The following ADK variants were observed in gnomAD, a reference collection of about 807,000 sequenced individuals.
The protein encoded by ADK is adenosine kinase, also known as N6,N6-dimethyladenosine kinase.
A neutral mutation model predicts 44.7 loss-of-function variants in ADK; 24 were observed. The ratio of observed to expected loss-of-function variants is 0.54; its 90% confidence interval spans 0.39 to 0.76. The LOEUF is 0.76. Among genes scored for constraint, ADK ranks in the 30% least tolerant of loss-of-function variants. The pLI, the probability that ADK is intolerant of heterozygous loss-of-function variation, is 0.00. For synonymous variants in ADK, 128 were observed against 142.6 expected (o/e 0.90, Z 0.73); for missense variants, 321 against 425.1 (o/e 0.76, Z 2.15).
chr10:74,614,231 G>A (rs1472064028), intron 9 of ADK, among the ~76,000 whole-genome samples: 3 of 152,062 alleles, frequency 2.0e-5, no homozygotes, highest in African/African-American at 4.8e-5. Context: ...TTATTGAAAA[G>A]GATCCTGCTA....
chr10:74,505,103 G>A (rs1848013953), intron 6 of ADK, among the ~76,000 whole-genome samples: 1 of 152,080 alleles, frequency 6.6e-6, no homozygotes, highest in Non-Finnish European at 1.5e-5. Flanking sequence ...AAATGATGAA[G>A]GAGGTGGAAA....
chr10:74,338,481 C>A (rs1841482759), intron 4 of ADK, among the ~76,000 whole-genome samples: 1 of 152,082 alleles, frequency 6.6e-6, no homozygotes. Flanking sequence ...TTTACATCAG[C>A]TTAATTTGTA....
chr10:74,547,442 ATATATTTATTTATT>A (rs1272094534), intron 7 of ADK, among the ~76,000 whole-genome samples: 24 of 20,474 alleles, frequency 1.2e-3, no homozygotes, highest in African/African-American at 2.5e-3. Flanking sequence ...ATATATATAT[ATATATTTATTTATT>A]TATTTATTTA....
At chr10:74,488,709 A>G (rs1287652546) in intron 6 of ADK, among the ~76,000 whole-genome samples, 1 of 151,732 alleles carries the variant, frequency 6.6e-6, no homozygotes, top group African/African-American at 2.4e-5. Context: ...TCTAAATGCT[A>G]ATGAAAACTG....
chr10:74,510,992 G>A (rs1395413838), intron 6 of ADK, among the ~76,000 whole-genome samples: 3 of 152,190 alleles, frequency 2.0e-5, no homozygotes, highest in Non-Finnish European at 4.4e-5. Context: ...ACAGGTGTGA[G>A]CCACCATGCC....
intron 7 of ADK, among the ~76,000 whole-genome samples, chr10:74,525,836 G>A (rs1412464806): frequency 6.6e-6 from 1 of 151,974 alleles, no homozygotes; most frequent in African/African-American, 2.4e-5. Context: ...TGTGTTTTTA[G>A]TAGAGACAGG....
At chr10:74,197,589 A>G (rs1417577068) in intron 1 of ADK, among the ~76,000 whole-genome samples, 1 of 151,832 alleles carries the variant, frequency 6.6e-6, no homozygotes, top group Non-Finnish European at 1.5e-5. Flanking sequence ...AATCCCAGCT[A>G]CTCAGCAGGC....
chr10:74,464,712 G>A (rs1846290781), intron 6 of ADK, among the ~76,000 whole-genome samples: 1 of 152,128 alleles, frequency 6.6e-6, no homozygotes, highest in Non-Finnish European at 1.5e-5. Flanking sequence ...GCCAGGCACA[G>A]TGGCTGATGC....
chr10:74,378,729 A>G (rs1182082053), intron 4 of ADK, among the ~76,000 whole-genome samples: 2 of 152,158 alleles, frequency 1.3e-5, no homozygotes, highest in Admixed American at 6.5e-5. Flanking sequence ...GTGAGGATCC[A>G]TATGGGTTTC....
At chr10:74,643,041 T>C (rs1199424126) in intron 9 of ADK, among the ~76,000 whole-genome samples, 1 of 151,906 alleles carries the variant, frequency 6.6e-6, no homozygotes, top group Non-Finnish European at 1.5e-5. Context: ...GGCATCTCAC[T>C]ATGTTGCTCA....
chr10:74,265,786 A>AT (rs1170706822), intron 3 of ADK, among the ~76,000 whole-genome samples: 4 of 152,276 alleles, frequency 2.6e-5, no homozygotes, highest in Non-Finnish European at 5.9e-5. Context: ...GTATGAAAAT[A>AT]TTTTTTTAAA....
At chr10:74,181,002 T>G (rs1370214607) in intron 1 of ADK, among the ~76,000 whole-genome samples, 6 of 152,254 alleles carry the variant, frequency 3.9e-5, no homozygotes, top group Admixed American at 3.3e-4. Context: ...CTTTGAGCCC[T>G]CTAGAGAATG....
rs569329599 is a variant in ADK at position 74,226,562 on chromosome 10, G to A, written c.194+1971G>A. On this transcript the variant is annotated intron_variant, in intron 3 of 10. Transcript: ENST00000539909. ...TTCATCTGTTTTTTGGATGCATTTC[G>A]AAGTAAATTGTAGACATCAATATGC... Among the ~76,000 whole-genome samples, 4 of 151,672 alleles carry A rather than the reference G, an allele frequency of 2.6e-5. No homozygotes were observed. The East Asian group carries it at 5.8e-4, about 22-fold the overall frequency.
chr10:74,272,309 A>T (rs1344446321), intron 3 of ADK, among the ~76,000 whole-genome samples: 9 of 151,408 alleles, frequency 5.9e-5, no homozygotes, highest in African/African-American at 2.2e-4. Flanking sequence ...ACAGGGTCTC[A>T]CTCTGTCATC....
chr10:74,368,566 A>G (rs1007903629), intron 4 of ADK, among the ~76,000 whole-genome samples: 3 of 151,916 alleles, frequency 2.0e-5, no homozygotes, highest in African/African-American at 2.4e-5. Flanking sequence ...TAGTGGTTTC[A>G]TGGTCTTATT....
At chr10:74,301,011 G>A (rs1286708019) in intron 3 of ADK, among the ~76,000 whole-genome samples, 2 of 152,162 alleles carry the variant, frequency 1.3e-5, no homozygotes, top group African/African-American at 4.8e-5. Context: ...CAATCTACAT[G>A]CTAAAGGGGA....
intron 10 of ADK, among the ~76,000 whole-genome samples, chr10:74,697,069 T>A (rs937673181): frequency 6.6e-6 from 1 of 152,222 alleles, no homozygotes. Flanking sequence ...ACAAATTATA[T>A]ATTTCCAAAA....
At chr10:74,189,062 CATTATT>C (rs146971688) in intron 1 of ADK, among the ~76,000 whole-genome samples, 4 of 152,100 alleles carry the variant, frequency 2.6e-5, no homozygotes, top group African/African-American at 9.6e-5. Context: ...ACATTTCTTT[CATTATT>C]ATTATTTTTT....
intron 6 of ADK, among the ~76,000 whole-genome samples, chr10:74,500,337 C>T (rs957592315): frequency 1.7e-4 from 26 of 152,214 alleles, no homozygotes; most frequent in Middle Eastern, 6.8e-3. Context: ...TTGCCATCTT[C>T]GTGAAGATTC....
Sources: allele counts gnomAD v4.1 joint callset (sites outside exome capture counted in the v4.1 genomes callset), GRCh38; gene constraint gnomAD v4.1.1; transcripts MANE v1.5; gene names NCBI Gene and HGNC (gene_info 2026-07-23, HGNC 2026-07-21).